Variants in CRYBA4 observed in about 807,000 individuals in gnomAD.
The protein encoded by CRYBA4 is crystallin beta A4.
CRYBA4 carries 30 observed loss-of-function variants against 31.7 expected under a neutral mutation model. The observed-to-expected ratio is 0.95, with a 90% CI of 0.71 to 1.28. The LOEUF (loss-of-function observed/expected upper bound fraction) is 1.28. Among genes scored for constraint, CRYBA4 ranks in the 50% most tolerant of loss-of-function variants. The pLI, the probability that CRYBA4 is intolerant of heterozygous loss-of-function variation, is 0.00. For synonymous variants in CRYBA4, 102 were observed against 102.3 expected, an observed-to-expected ratio of 1.00 and a Z score of 0.02; for missense variants, 225 against 260.7, an observed-to-expected ratio of 0.86 and a Z score of 0.94.
At position 26,630,641 on chromosome 22, in the gene CRYBA4, C is replaced by A; in HGVS notation, c.*154C>A. 1.6e-6 allele frequency: 1 copy of A among 630,060 alleles called. No individual in the cohort carries two copies. The highest frequency in any genetic ancestry group is 2.9e-5 in the Admixed American group (1 of 35,016). The allele number at this position is 630,060 out of a possible 1,614,324, so 39.0% of individuals were successfully genotyped here. On this transcript the variant is annotated 3_prime_UTR_variant, in exon 6 of 6. Transcript: ENST00000354760. ...CCGTGCACAGTCAGCACAAAAAACT[C>A]AAACGAATAAAAAAGAGAAAGTCTG... is the stretch of plus-strand genomic sequence containing the variant.
Position 26,628,870 on chromosome 22 carries a change from A to G in CRYBA4, c.443+440A>G, listed in dbSNP as rs199838155. On this transcript the variant is annotated intron_variant, in intron 5 of 5. Transcript: ENST00000354760. The stretch of plus-strand genomic sequence containing the variant: ...TTCCAAGAAAGGTGCTCATTGGTCC[A>G]GCTGGGTCCTGTGCTCAACTCTGAA... Among the ~76,000 whole-genome samples, 7 of 152,340 alleles carry G rather than the reference A, an allele frequency of 4.6e-5. No individual in the cohort carries two copies. The East Asian group carries it at 5.8e-4, about 13-fold the overall frequency.
At chr22:26,620,932 T>C (rs1354706005), upstream of CRYBA4, among the ~76,000 whole-genome samples, 1 of 152,134 alleles carries the variant, frequency 6.6e-6, no homozygotes, top group Non-Finnish European at 1.5e-5. Context: ...ACTTTACAGG[T>C]CATGAGCAGG....
the CRYBA4 span, chr22:26,607,927 G>T: frequency 6.2e-7 from 1 of 1,614,188 alleles, no homozygotes; most frequent in African/African-American, 1.3e-5. Flanking sequence ...CGATCACTGC[G>T]GTAGCTGCTC....
At chr22:26,624,711 A>G (rs1929648173) in intron 3 of CRYBA4, among the ~76,000 whole-genome samples, 1 of 152,206 alleles carries the variant, frequency 6.6e-6, no homozygotes, top group Admixed American at 6.5e-5. Flanking sequence ...CAGACAGTTT[A>G]TTACTTATAC....
At chr22:26,600,853 A>T in the CRYBA4 span, among the ~76,000 whole-genome samples, 1 of 151,772 alleles carries the variant, frequency 6.6e-6, no homozygotes, top group Admixed American at 6.6e-5. Flanking sequence ...AATCCTAGAA[A>T]CCTCTCCTCC....
rs761503121 is a variant in CRYBA4 at position 26,630,503 on chromosome 22, G to A, written c.*16G>A. The A allele has an allele frequency of 2.5e-6, 4 of 1,609,968 alleles. No individual in the cohort carries two copies. The highest frequency in any genetic ancestry group is 1.7e-5 in the Admixed American group (1 of 59,952). The stretch of plus-strand genomic sequence containing the variant: ...CCAGCAGTGAACAGGGGTGCGGCAC[G>A]GAGGAGCGCATGCGTGCTTATCTGC... On this transcript the variant is annotated 3_prime_UTR_variant, in exon 6 of 6. Coordinates refer to ENST00000354760, the MANE Select transcript of CRYBA4 (RefSeq NM_001886.3).
At chr22:26,615,917 T>A in the CRYBA4 span, among the ~76,000 whole-genome samples, 4 of 149,596 alleles carry the variant, frequency 2.7e-5, no homozygotes, top group African/African-American at 7.4e-5. Flanking sequence ...GAGGCCAAGG[T>A]GAGGGAAAAA....
At chr22:26,621,227 C>T (rs115531254), upstream of CRYBA4, among the ~76,000 whole-genome samples, 318 of 152,324 alleles carry the variant, frequency 2.1e-3, 1 homozygote, top group African/African-American at 6.9e-3. Flanking sequence ...ATGCTGCCCA[C>T]AGTGCCATCC....
At chr22:26,598,924 C>T in the CRYBA4 span, among the ~76,000 whole-genome samples, 2 of 152,200 alleles carry the variant, frequency 1.3e-5, no homozygotes, top group African/African-American at 2.4e-5. Context: ...TGGAGCCAGA[C>T]AGCCTGAATT....
the CRYBA4 span, among the ~76,000 whole-genome samples, chr22:26,596,163 C>T: frequency 8.5e-5 from 13 of 152,066 alleles, no homozygotes; most frequent in African/African-American, 2.2e-4. Flanking sequence ...TGCAGTGGCA[C>T]GATCTCACTG....
chr22:26,596,587 C>A, the CRYBA4 span: 2 of 152,162 alleles, frequency 1.3e-5, no homozygotes, highest in African/African-American at 2.4e-5. Context: ...TATTATTTCT[C>A]TTTTTCCTCC....
chr22:26,627,193 G>C (rs964783610), intron 4 of CRYBA4, among the ~76,000 whole-genome samples: 1 of 152,116 alleles, frequency 6.6e-6, no homozygotes, highest in African/African-American at 2.4e-5. Context: ...TCATTTTATA[G>C]ATACAGGAAC....
At chr22:26,623,390 G>A in intron 3 of CRYBA4, 38 bp downstream of exon 3, 11 of 1,501,268 alleles carry the variant, frequency 7.3e-6, no homozygotes, top group Non-Finnish European at 9.3e-6. Context: ...GTAGAGGGTG[G>A]ACAGGAAGGG....
rs201842543 is a variant in CRYBA4, at chr22:26,625,650, G to A, written c.300+28G>A. 2.5e-5 allele frequency: 40 copies of A among 1,612,036 alleles called. No individual in the cohort carries two copies. In the East Asian group the frequency reaches 8.7e-4, roughly 35 times the overall value. On this transcript the variant is annotated intron_variant, in intron 4 of 5. Coordinates refer to ENST00000354760, the MANE Select transcript of CRYBA4 (RefSeq NM_001886.3). ...AAGTTCTACCACTGCTGCATCCCGG[G>A]GAGGCCCAAGCCCCTCATGTGGGCA...
the CRYBA4 span, among the ~76,000 whole-genome samples, chr22:26,597,512 C>T: frequency 6.6e-6 from 1 of 152,206 alleles, no homozygotes; most frequent in Non-Finnish European, 1.5e-5. Context: ...GCTGTTTGCT[C>T]TGCCTGGAAT....
chr22:26,601,830 T>A, the CRYBA4 span: 164 of 1,610,624 alleles, frequency 1.0e-4, no homozygotes, highest in Non-Finnish European at 1.4e-4. Context: ...CCTCTGATTC[T>A]GCCTGTGCTT....
chr22:26,629,553 C>A (rs1249326267), intron 5 of CRYBA4, among the ~76,000 whole-genome samples: 6 of 151,650 alleles, frequency 4.0e-5, no homozygotes, highest in Non-Finnish European at 2.9e-5. Context: ...ACCAGCCTGG[C>A]CAACATGGTG....
the CRYBA4 span, among the ~76,000 whole-genome samples, chr22:26,595,643 G>T: frequency 6.6e-6 from 1 of 151,438 alleles, no homozygotes; most frequent in Non-Finnish European, 1.5e-5. Context: ...TCTGTGTTTT[G>T]TTTTTAATTT....
At chr22:26,597,659 T>C in the CRYBA4 span, among the ~76,000 whole-genome samples, 1 of 152,154 alleles carries the variant, frequency 6.6e-6, no homozygotes, top group Non-Finnish European at 1.5e-5. Flanking sequence ...AGATTAATGA[T>C]TAATAACATC....
Sources: gnomAD v4.1 joint callset for allele counts (sites outside exome capture counted in the v4.1 genomes callset) on GRCh38, gnomAD v4.1.1 for gene constraint, MANE v1.5 for transcripts, NCBI Gene and HGNC (gene_info 2026-07-23, HGNC 2026-07-21) for gene names.